The following PCDH12 variants were observed in gnomAD, a reference collection of about 807,000 sequenced individuals.
PCDH12 encodes the protein protocadherin 12, also known as protocadherin-12.
A neutral mutation model predicts 70.9 loss-of-function variants in PCDH12; 45 were observed. The ratio of observed to expected loss-of-function variants is 0.63; its 90% confidence interval spans 0.50 to 0.81. The LOEUF is 0.81. PCDH12 is among the 40% of genes least tolerant of loss of function. The pLI is 0.00. For synonymous variants in PCDH12, 567 were observed against 626.0 expected (o/e 0.91, Z 1.41); for missense variants, 1,370 against 1,491.7 (o/e 0.92, Z 1.34).
At position 141,956,618 on chromosome 5, in the gene PCDH12, A is replaced by G. The variant is rs768679066; in HGVS notation, c.1234T>C (p.Leu412=). The change falls in exon 1 of 4, where the codon TTG becomes CTG. Residue 412 remains leucine (L), a synonymous_variant. Transcript: ENST00000231484. The part of the protein sequence containing the change: ...LKRTNGNTYM[L]LTNATLDREQ... ...CTGTCCAGTGTGGCATTGGTTAGCA[A>G]CATGTATGTGTTGCCATTAGTTCTT... 1.9e-6 allele frequency: 3 copies of G among 1,614,236 alleles called. No individual in the cohort carries two copies. Among genetic ancestry groups the G allele is most frequent in the Non-Finnish European group, 2.5e-6 (3 of 1,180,048 alleles).
Position 141,956,130 on chromosome 5 carries a change from T to G in PCDH12, c.1722A>C (p.Lys574Asn), listed in dbSNP as rs1753179357. The change falls in exon 1 of 4, where the codon AAA becomes AAC. Residue 574 changes from lysine to asparagine, a missense_variant. By Grantham distance (94) the Lys-to-Asn change is moderately conservative. Transcript: ENST00000231484. ...CATTCACAAGCACGGAGAGGCTGGC[T>G]TTTCCATCGCTGAGCACAGGCTGGA... ...EVVQPVLSDG[K>N]ASLSVLVNAS... is the part of the protein sequence containing the mutation. 6.2e-7 allele frequency: 1 copy of G among 1,614,168 alleles called. No homozygotes were observed. The highest frequency in any genetic ancestry group is 8.5e-7 in the Non-Finnish European group (1 of 1,180,026).
At chr5:141,947,219 C>A (rs1426593254) in intron 3 of PCDH12, among the ~76,000 whole-genome samples, 1 of 152,258 alleles carries the variant, frequency 6.6e-6, no homozygotes, top group East Asian at 1.9e-4. Flanking sequence ...TCCTGCCCTA[C>A]TGGATCCTTG....
intron 3 of PCDH12, among the ~76,000 whole-genome samples, chr5:141,948,119 TA>T (rs1752985808): frequency 6.6e-6 from 1 of 152,218 alleles, no homozygotes. Flanking sequence ...AACACAGCTC[TA>T]AAATTTACAG....
At position 141,958,157 on chromosome 5, in the gene PCDH12, C is replaced by G; in HGVS notation, c.-306G>C. 1 of 345,850 alleles carries G rather than the reference C, an allele frequency of 2.9e-6. No individual in the cohort carries two copies. Among genetic ancestry groups the G allele is most frequent in the Non-Finnish European group, 5.3e-6 (1 of 189,492 alleles). 21.4% of individuals were successfully genotyped at this position (345,850 alleles called of 1,614,324 possible). A position where few individuals can be genotyped will look rare whatever the true frequency, so the allele number is the denominator to read the frequency against. ...AAGAGCTGGTCTAAGAGGGACCTGA[C>G]CCAGTTGAGCAGGATGTGGGACTCT... On this transcript the variant is annotated 5_prime_UTR_variant, in exon 1 of 4. Transcript: ENST00000231484.
rs1200529574 is a variant in PCDH12 at position 141,951,506 on chromosome 5, G to T, written c.2965C>A (p.Pro989Thr). 2 of 1,613,938 alleles carry T rather than the reference G, an allele frequency of 1.2e-6. No homozygotes were observed. Among genetic ancestry groups the T allele is most frequent in the African/African-American group, 1.3e-5 (1 of 74,906 alleles). Residue 989 changes from proline to threonine, a missense_variant, in exon 2 of 4, where the codon CCA becomes ACA. Physicochemically the swap from Pro to Thr is conservative, Grantham distance 38. Transcript: ENST00000231484. Reference protein sequence around the residue: ...NHRGNKYLAKPGGSRSAIPDT... With the variant: ...NHRGNKYLAKTGGSRSAIPDT... ...CGTGCTGCTTACCTGCTGCCTCCTG[G>T]CTTGGCCAAGTACTTATTTCCTCGG...
intron 1 of PCDH12, 59 bp from the exon 2 acceptor site, chr5:141,951,649 C>T: frequency 8.1e-7 from 1 of 1,229,848 alleles, no homozygotes; most frequent in Non-Finnish European, 1.2e-6. Context: ...CACTTCCTCG[C>T]CGGATGTTTC....
Position 141,957,492 on chromosome 5 carries a change from A to G in PCDH12, c.360T>C (p.His120=), listed in dbSNP as rs749874529. Residue 120 remains histidine (H), a synonymous_variant, in exon 1 of 4, where the codon CAT becomes CAC. Coordinates refer to ENST00000231484, the MANE Select transcript of PCDH12 (RefSeq NM_016580.4). The surrounding 1 kb of genome is among the most constrained non-coding windows in gnomAD (Gnocchi z 4.3). ...VLATGDLALI[H]VEIQVLDIND... ...TGATGTCCAGCACTTGGATCTCCACATGGATCAGAGCCAAATCCCCTGTGG... is the reference window on the plus strand; with the variant it reads ...TGATGTCCAGCACTTGGATCTCCACGTGGATCAGAGCCAAATCCCCTGTGG... 2.5e-6 allele frequency: 4 copies of G among 1,613,764 alleles called. No individual in the cohort carries two copies. The highest frequency in any genetic ancestry group is 3.4e-6 in the Non-Finnish European group (4 of 1,179,878).
At position 141,957,478 on chromosome 5, in the gene PCDH12, A is replaced by G; in HGVS notation, c.374T>C (p.Val125Ala). ...TGGCTGGTGGTCATTGATGTCCAGCACTTGGATCTCCACATGGATCAGAGC... is the reference window on the plus strand; with the variant it reads ...TGGCTGGTGGTCATTGATGTCCAGCGCTTGGATCTCCACATGGATCAGAGC... ...DLALIHVEIQ[V>A]LDINDHQPRF... The change falls in exon 1 of 4, where the codon GTG becomes GCG. Residue 125 changes from valine to alanine, a missense_variant. Transcript: ENST00000231484. The surrounding 1 kb of genome is among the most constrained non-coding windows in gnomAD (Gnocchi z 4.3). The G allele has an allele frequency of 6.2e-7, 1 of 1,613,392 alleles. No homozygotes were observed. The highest frequency in any genetic ancestry group is 1.1e-5 in the South Asian group (1 of 90,940).
chr5:141,955,716 C>G lies in PCDH12; in HGVS notation c.2136G>C (p.Leu712Phe). The change falls in exon 1 of 4, where the codon TTG becomes TTC. Residue 712 changes from leucine to phenylalanine, a missense_variant. Transcript: ENST00000231484. This position sits in a 1 kb window ranked among gnomAD's most constrained non-coding sequence, Gnocchi z 5.5. ...AGATCACCGTCAGCATCGACATGCT[C>G]AAGGCCCCAGGCTTGCGGGCTGAGT... ...LRDSARKPGA[L>F]SMSMLTVICL... 1 of 1,614,128 alleles carries G rather than the reference C, an allele frequency of 6.2e-7. No homozygotes were observed. Among genetic ancestry groups the G allele is most frequent in the Non-Finnish European group, 8.5e-7 (1 of 1,180,008 alleles).
rs543787322 is a variant in PCDH12 at position 141,944,796 on chromosome 5, A to G, written c.*585T>C. On this transcript the variant is annotated 3_prime_UTR_variant, in exon 4 of 4. Transcript: ENST00000231484. ...TTAGTTGGTAACATAGTGATAGGGG[A>G]ACAGGGGTAAGAGCACACATGTCTG... 1 of 152,428 alleles carries G rather than the reference A, an allele frequency of 6.6e-6. No individual in the cohort carries two copies. The highest frequency in any genetic ancestry group is 1.9e-4 in the East Asian group (1 of 5,194). 9.4% of individuals were successfully genotyped at this position (152,428 alleles called of 1,614,324 possible). A position where few individuals can be genotyped will look rare whatever the true frequency, so the allele number is the denominator to read the frequency against.
chr5:141,957,342 G>A lies in PCDH12; in HGVS notation c.510C>T (p.His170=). The A allele has an allele frequency of 6.2e-7, 1 of 1,613,706 alleles. No individual in the cohort carries two copies. The highest frequency in any genetic ancestry group is 1.1e-5 in the South Asian group (1 of 90,958). ...LDPDTGPNTL[H]TYTLSPSEHF... is the part of the protein sequence containing the mutation. The stretch of plus-strand genomic sequence containing the variant: ...GCTCACTGGGAGACAGAGTGTAGGT[G>A]TGCAGGGTGTTAGGGCCTGTGTCTG... The change falls in exon 1 of 4, where the codon CAC becomes CAT. Residue 170 remains histidine (H), a synonymous_variant. Coordinates refer to ENST00000231484, the MANE Select transcript of PCDH12 (RefSeq NM_016580.4). This position sits in a 1 kb window ranked among gnomAD's most constrained non-coding sequence, Gnocchi z 4.3.
Position 141,957,947 on chromosome 5 carries a change from T to A in PCDH12, c.-96A>T, listed in dbSNP as rs1753215879. 2 of 1,418,506 alleles carry A rather than the reference T, an allele frequency of 1.4e-6. No individual in the cohort carries two copies. Among genetic ancestry groups the A allele is most frequent in the Non-Finnish European group, 1.9e-6 (2 of 1,054,566 alleles). 87.9% of individuals were successfully genotyped at this position (1,418,506 alleles called of 1,614,324 possible). On this transcript the variant is annotated 5_prime_UTR_variant, in exon 1 of 4. Transcript: ENST00000231484. This position sits in a 1 kb window ranked among gnomAD's most constrained non-coding sequence, Gnocchi z 4.3. ...TTCCTGGATGGCTTGATCAGCCCCGTGCTCCTTCCCCCAGAGCTGCCGGCA... is the reference window on the plus strand; with the variant it reads ...TTCCTGGATGGCTTGATCAGCCCCGAGCTCCTTCCCCCAGAGCTGCCGGCA...
Position 141,944,191 on chromosome 5 carries a change from C to G in PCDH12, c.*1190G>C, listed in dbSNP as rs1359579816. The G allele has an allele frequency of 6.6e-6, 1 of 152,218 alleles. No individual in the cohort carries two copies. The highest frequency in any genetic ancestry group is 2.4e-5 in the African/African-American group (1 of 41,436). 9.4% of individuals were successfully genotyped at this position (152,218 alleles called of 1,614,324 possible). A position where few individuals can be genotyped will look rare whatever the true frequency, so the allele number is the denominator to read the frequency against. On this transcript the variant is annotated 3_prime_UTR_variant, in exon 4 of 4. Transcript: ENST00000231484. ...TGCTGTCAGTGCCGATTTCATAGAC[C>G]CAGTTCACACAGCGTCCTCTGGGAT...
chr5:141,957,692 C>T lies in PCDH12; in HGVS notation c.160G>A (p.Gly54Ser), dbSNP rs1290680761. The change falls in exon 1 of 4, where the codon GGC becomes AGC. Residue 54 changes from glycine (G) to serine (S), a missense_variant. Coordinates refer to ENST00000231484, the MANE Select transcript of PCDH12 (RefSeq NM_016580.4). This position sits in a 1 kb window ranked among gnomAD's most constrained non-coding sequence, Gnocchi z 4.3. ...GCTTGCCTCCGCCTCTCCTCCCGGC[C>T]CAGTTCCTGGGACAGCTTCCCGATC... The part of the protein sequence containing the change: ...TVIGKLSQEL[G>S]REERRRQAGA... 2.0e-5 allele frequency: 32 copies of T among 1,614,200 alleles called. No individual in the cohort carries two copies. Among genetic ancestry groups the T allele is most frequent in the Non-Finnish European group, 2.5e-5 (30 of 1,180,046 alleles).
In PCDH12 at chr5:141,949,559, G is replaced by A; in HGVS notation, c.3003C>T (p.Gly1001=). Reference sequence around the variant, plus strand: ...TCTGGCCTCCAGCCCTTGCACTTGGGCCATCTGTGTCTGGGATTGCACTCC... The same window carrying A: ...TCTGGCCTCCAGCCCTTGCACTTGGACCATCTGTGTCTGGGATTGCACTCC... ...GSRSAIPDTD[G]PSARAGGQTD... The change falls in exon 3 of 4, where the codon GGC becomes GGT. Residue 1001 remains glycine, a synonymous_variant. Transcript: ENST00000231484. The A allele has an allele frequency of 6.2e-7, 1 of 1,614,034 alleles. No homozygotes were observed. The highest frequency in any genetic ancestry group is 8.5e-7 in the Non-Finnish European group (1 of 1,179,966).
Position 141,955,526 on chromosome 5 carries a change from G to A in PCDH12, c.2326C>T (p.His776Tyr), listed in dbSNP as rs763675085. The change falls in exon 1 of 4, where the codon CAC becomes TAC. Residue 776 changes from histidine (H) to tyrosine (Y), a missense_variant. Coordinates refer to ENST00000231484, the MANE Select transcript of PCDH12 (RefSeq NM_016580.4). The surrounding 1 kb of genome is among the most constrained non-coding windows in gnomAD (Gnocchi z 5.5). ...PQKHIQKADI[H>Y]LVPVLRGQAG... ...TGACCCCTGAGCACAGGCACGAGGT[G>A]GATGTCTGCCTTCTGAATGTGTTTC... 36 of 1,614,020 alleles carry A rather than the reference G, an allele frequency of 2.2e-5. No individual in the cohort carries two copies. The highest frequency in any genetic ancestry group is 2.7e-5 in the Non-Finnish European group (32 of 1,180,026).
At position 141,949,552 on chromosome 5, in the gene PCDH12, C is replaced by G; in HGVS notation, c.3010G>C (p.Ala1004Pro). The change falls in exon 3 of 4, where the codon GCA becomes CCA. Residue 1004 changes from alanine (A) to proline (P), a missense_variant. Transcript: ENST00000231484. ...GGGTCTGTCTGGCCTCCAGCCCTTG[C>G]ACTTGGGCCATCTGTGTCTGGGATT... ...SAIPDTDGPS[A>P]RAGGQTDPEQ... 1 of 1,614,154 alleles carries G rather than the reference C, an allele frequency of 6.2e-7. No individual in the cohort carries two copies. Among genetic ancestry groups the G allele is most frequent in the Non-Finnish European group, 8.5e-7 (1 of 1,180,002 alleles).
intron 1 of PCDH12, chr5:141,953,197 C>T (rs1753118817): frequency 1.3e-5 from 2 of 152,236 alleles, no homozygotes; most frequent in Admixed American, 6.5e-5. Context: ...AGGTTCAAAT[C>T]CTAAATATGT....
At chr5:141,951,651 G>A (rs1753085008) in intron 1 of PCDH12, 61 bp from the exon 2 acceptor site, 15 of 1,230,404 alleles carry the variant, frequency 1.2e-5, no homozygotes, top group South Asian at 2.4e-5. Context: ...CTTCCTCGCC[G>A]GATGTTTCCC....
Sources: allele counts gnomAD v4.1 joint callset (sites outside exome capture counted in the v4.1 genomes callset), GRCh38; gene constraint gnomAD v4.1.1; non-coding constraint Gnocchi (gnomAD v3.1); transcripts MANE v1.5; gene names NCBI Gene and HGNC (gene_info 2026-07-23, HGNC 2026-07-21).